Variants in NFIB observed in about 807,000 individuals in gnomAD.
The protein encoded by NFIB is nuclear factor I B, also known as nuclear factor 1 B-type.
In NFIB, 11 loss-of-function variants were observed where a neutral mutation model predicts 61.5. That is an observed-to-expected ratio of 0.18 (90% CI 0.11 to 0.30). NFIB has a LOEUF of 0.30. Ranked by LOEUF, NFIB falls within the 10% of genes least tolerant of loss-of-function variation. The pLI is 1.00. For synonymous variants in NFIB, 260 were observed against 216.5 expected, an observed-to-expected ratio of 1.20 and a Z score of -1.76; for missense variants, 471 against 608.9, an observed-to-expected ratio of 0.77 and a Z score of 2.38.
intron 1 of NFIB, among the ~76,000 whole-genome samples, chr9:14,342,517 A>G (rs2060964393): frequency 1.3e-5 from 2 of 152,072 alleles, no homozygotes; most frequent in African/African-American, 2.4e-5. Flanking sequence ...AGAAATAGGG[A>G]GGAAGAAAGA....
intron 2 of NFIB, among the ~76,000 whole-genome samples, chr9:14,197,638 G>A (rs2048605718): frequency 6.6e-6 from 1 of 152,202 alleles, no homozygotes; most frequent in South Asian, 2.1e-4. Flanking sequence ...ATTTTCAACA[G>A]AAGATGCTGA....
chr9:14,215,701 A>C (rs904766660), intron 2 of NFIB, among the ~76,000 whole-genome samples: 7 of 152,252 alleles, frequency 4.6e-5, no homozygotes, highest in African/African-American at 1.4e-4. Context: ...ACTGAAAACC[A>C]GTCTAGCTTC....
chr9:14,331,748 C>G lies in NFIB; in HGVS notation c.109-24228G>C, dbSNP rs377605364. On this transcript the variant is annotated intron_variant, in intron 1 of 8. Coordinates refer to the NFIB transcript ENST00000380934. Reference sequence around the variant, plus strand: ...ACTCTGGACAAGGCAGGTAATGATTCTTAACCACGATTCCCTTACCTTCGA... The same window carrying G: ...ACTCTGGACAAGGCAGGTAATGATTGTTAACCACGATTCCCTTACCTTCGA... Among the ~76,000 whole-genome samples the G allele has an allele frequency of 2.4e-3, 366 of 152,326 alleles. 1 individual carries two copies. The highest frequency in any genetic ancestry group is 8.5e-3 in the African/African-American group (352 of 41,566).
chr9:14,331,083 G>A (rs2060816089), intron 1 of NFIB, among the ~76,000 whole-genome samples: 1 of 152,108 alleles, frequency 6.6e-6, no homozygotes, highest in Admixed American at 6.5e-5. Context: ...CCTCCCTGGG[G>A]CAATGGTTTC....
At chr9:14,298,595 C>T (rs2059576799) in intron 2 of NFIB, among the ~76,000 whole-genome samples, 1 of 152,088 alleles carries the variant, frequency 6.6e-6, no homozygotes, top group African/African-American at 2.4e-5. Context: ...AAAAGAAAGT[C>T]ACTTCTACAG....
intron 2 of NFIB, among the ~76,000 whole-genome samples, chr9:14,213,559 T>TCG (rs1286053990): frequency 6.6e-6 from 1 of 152,194 alleles, no homozygotes; most frequent in Non-Finnish European, 1.5e-5. Context: ...GTGCTGCTGG[T>TCG]CGTGGGACCA....
the NFIB span, among the ~76,000 whole-genome samples, chr9:14,460,612 A>T: frequency 6.6e-6 from 1 of 152,248 alleles, no homozygotes; most frequent in African/African-American, 2.4e-5. Flanking sequence ...TGAACTCAAT[A>T]TAATAAATGA....
upstream of NFIB, among the ~76,000 whole-genome samples, chr9:14,318,148 AT>A (rs2060582758): frequency 6.6e-6 from 1 of 152,130 alleles, no homozygotes; most frequent in African/African-American, 2.4e-5. Context: ...AAACTCTGTT[AT>A]TTCAGTATTC....
chr9:14,163,033 G>A (rs1262927662), intron 3 of NFIB, among the ~76,000 whole-genome samples: 5 of 151,974 alleles, frequency 3.3e-5, no homozygotes, highest in Admixed American at 2.0e-4. Flanking sequence ...AAGGCAAGCT[G>A]TCTAACTCTT....
At chr9:14,439,228 G>A in the NFIB span, among the ~76,000 whole-genome samples, 2 of 152,132 alleles carry the variant, frequency 1.3e-5, no homozygotes, top group Non-Finnish European at 2.9e-5. Flanking sequence ...AAGATAGCCA[G>A]GCATGGTAGC....
chr9:14,149,406 T>C (rs910196391), intron 5 of NFIB, among the ~76,000 whole-genome samples: 8 of 152,140 alleles, frequency 5.3e-5, no homozygotes, highest in African/African-American at 1.9e-4. Flanking sequence ...ATTACACATA[T>C]ATTTAATGCT....
At chr9:14,259,080 A>T (rs1329534875) in intron 2 of NFIB, among the ~76,000 whole-genome samples, 1 of 152,230 alleles carries the variant, frequency 6.6e-6, no homozygotes, top group Non-Finnish European at 1.5e-5. Flanking sequence ...TCATAAGCAC[A>T]TAAGGCTCGT....
intron 2 of NFIB, among the ~76,000 whole-genome samples, chr9:14,227,334 A>G (rs976556158): frequency 5.9e-5 from 9 of 152,178 alleles, no homozygotes; most frequent in African/African-American, 2.2e-4. Context: ...TTGAGGATAG[A>G]GCCTGTGCTT....
At chr9:14,365,186 T>A (rs2132953956) in intron 1 of NFIB, among the ~76,000 whole-genome samples, 1 of 152,352 alleles carries the variant, frequency 6.6e-6, no homozygotes, top group East Asian at 1.9e-4. Flanking sequence ...GAAACAGAAT[T>A]CTGCTGCTAA....
At chr9:14,292,612 C>T (rs1366964202) in intron 2 of NFIB, among the ~76,000 whole-genome samples, 1 of 152,132 alleles carries the variant, frequency 6.6e-6, no homozygotes, top group African/African-American at 2.4e-5. Flanking sequence ...CTGACAGATA[C>T]AGAAACTGAG....
At chr9:14,530,670 C>T in the NFIB span, among the ~76,000 whole-genome samples, 1 of 151,980 alleles carries the variant, frequency 6.6e-6, no homozygotes, top group African/African-American at 2.4e-5. Flanking sequence ...CATAAGAAAC[C>T]CTCTTGCCTG....
chr9:14,262,702 G>A (rs1040139059), intron 2 of NFIB, among the ~76,000 whole-genome samples: 2 of 152,150 alleles, frequency 1.3e-5, no homozygotes, highest in African/African-American at 2.4e-5. Context: ...ACTTACTAGA[G>A]ACAGAACCGA....
chr9:14,140,263 AG>A (rs1215162613), intron 6 of NFIB, among the ~76,000 whole-genome samples: 2 of 152,176 alleles, frequency 1.3e-5, no homozygotes, highest in Admixed American at 1.3e-4. Context: ...AATGACTCCC[AG>A]ATAGCAGTTA....
intron 6 of NFIB, among the ~76,000 whole-genome samples, chr9:14,127,835 C>T (rs773658043): frequency 6.7e-6 from 1 of 149,422 alleles, no homozygotes; most frequent in Non-Finnish European, 1.5e-5. Flanking sequence ...AAATGCCAGG[C>T]GGATTTGTAG....
Sources: gnomAD v4.1 joint callset for allele counts (sites outside exome capture counted in the v4.1 genomes callset) on GRCh38, gnomAD v4.1.1 for gene constraint, MANE v1.5 for transcripts, NCBI Gene and HGNC (gene_info 2026-07-23, HGNC 2026-07-21) for gene names.